The following EHD1 variants were observed in gnomAD, a reference collection of about 807,000 sequenced individuals.
The protein encoded by EHD1 is EH domain containing 1, also known as EH domain-containing protein 1.
EHD1 carries 19 observed loss-of-function variants against 39.0 expected under a neutral mutation model. The observed-to-expected ratio is 0.49, with a 90% CI of 0.34 to 0.72. EHD1 has a LOEUF of 0.72. Among genes scored for constraint, EHD1 ranks in the 30% least tolerant of loss-of-function variants. The pLI is 0.01. For missense variants in EHD1, 542 were observed against 751.5 expected (o/e 0.72, Z 3.26); for synonymous variants, 323 against 331.2 (o/e 0.98, Z 0.27).
chr11:64,853,994 A>T lies in EHD1; in HGVS notation c.*339T>A. 3.0e-6 allele frequency: 1 copy of T among 329,310 alleles called. No individual in the cohort carries two copies. Among genetic ancestry groups the T allele is most frequent in the Non-Finnish European group, 5.7e-6 (1 of 176,490 alleles). The allele number at this position is 329,310 out of a possible 1,614,324, so 20.4% of individuals were successfully genotyped here. ...GGCGACCTGGCTCCCCCACGGTCGC[A>T]GTCGCTGCACTGTCCAGCTCCAGCC... On this transcript the variant is annotated 3_prime_UTR_variant, in exon 5 of 5. Coordinates refer to ENST00000320631, the MANE Select transcript of EHD1 (RefSeq NM_006795.4).
intron 2 of EHD1, among the ~76,000 whole-genome samples, chr11:64,872,921 G>A (rs936466547): frequency 6.6e-6 from 1 of 152,224 alleles, no homozygotes; most frequent in African/African-American, 2.4e-5. Context: ...TAAGGGACAC[G>A]GGAAGGATCT....
At chr11:64,871,778 G>A (rs1943833470) in intron 2 of EHD1, among the ~76,000 whole-genome samples, 1 of 152,142 alleles carries the variant, frequency 6.6e-6, no homozygotes, top group Non-Finnish European at 1.5e-5. Context: ...GCACCTGGAG[G>A]GGAGAGGGAG....
chr11:64,877,155 C>T (rs979733861), intron 1 of EHD1, among the ~76,000 whole-genome samples: 2 of 152,086 alleles, frequency 1.3e-5, no homozygotes, highest in Non-Finnish European at 2.9e-5. Context: ...TTTGGTATGT[C>T]GCCTGGGGGT....
In EHD1 at chr11:64,851,899, C is replaced by T. The variant is rs543830851; in HGVS notation, c.*2434G>A. On this transcript the variant is annotated 3_prime_UTR_variant, in exon 5 of 5. Transcript: ENST00000320631. The stretch of plus-strand genomic sequence containing the variant: ...TGAACTTCCTCAGATCGTGACAGCG[C>T]AGCTCCACCTGGCACAGGGTGAATG... 1 of 152,358 alleles carries T rather than the reference C, an allele frequency of 6.6e-6. No homozygotes were observed. The highest frequency in any genetic ancestry group is 1.5e-5 in the Non-Finnish European group (1 of 68,048). 9.4% of individuals were successfully genotyped at this position (152,358 alleles called of 1,614,324 possible).
Position 64,860,232 on chromosome 11 carries a change from C to T in EHD1, c.607G>A (p.Val203Met). The T allele has an allele frequency of 6.2e-7, 1 of 1,614,156 alleles. No homozygotes were observed. The highest frequency in any genetic ancestry group is 8.5e-7 in the Non-Finnish European group (1 of 1,180,044). The change falls in exon 3 of 5, where the codon GTG becomes ATG. Residue 203 changes from valine to methionine, a missense_variant. Val to Met is a conservative substitution (Grantham distance 21). Transcript: ENST00000320631. ...TCATGGTTCTTCAGAGCCTTGATCA[C>T]TTCCGAGAACTCATCGGAGATGTCC... is the stretch of plus-strand genomic sequence containing the variant. The part of the protein sequence containing the change: ...KLDISDEFSE[V>M]IKALKNHEDK...
intron 2 of EHD1, among the ~76,000 whole-genome samples, chr11:64,862,324 G>A (rs534734521): frequency 5.7e-4 from 87 of 152,322 alleles, no homozygotes; most frequent in African/African-American, 2.0e-3. Context: ...CCTCCTAAAG[G>A]AAGGAACCAG....
rs1433353175 is a variant in EHD1 at position 64,860,352 on chromosome 11, G to A, written c.503-16C>T. 3.7e-6 allele frequency: 6 copies of A among 1,600,776 alleles called. No individual in the cohort carries two copies. The highest frequency in any genetic ancestry group is 4.3e-6 in the Non-Finnish European group (5 of 1,170,504). Reference sequence around the variant, plus strand: ...AAGTCATAGCCTGGGGGGAAGAGAAGGGAGAGCTCAGGGGCGCCAAGGGAC... The same window carrying A: ...AAGTCATAGCCTGGGGGGAAGAGAAAGGAGAGCTCAGGGGCGCCAAGGGAC... On this transcript the variant is annotated splice_polypyrimidine_tract_variant and intron_variant, in intron 2 of 4. Coordinates refer to ENST00000320631, the MANE Select transcript of EHD1 (RefSeq NM_006795.4).
chr11:64,860,288 C>G lies in EHD1; in HGVS notation c.551G>C (p.Arg184Pro). The change falls in exon 3 of 5, where the codon CGC becomes CCC. Residue 184 changes from arginine (R) to proline (P), a missense_variant. Arg to Pro is a moderately radical substitution (Grantham distance 103, BLOSUM62 -2). Transcript: ENST00000320631. ...GTGGGCGTCGAAGAGCAGGATGATGCGGTCCACACGCTCCGCGAACCACTC... is the reference window on the plus strand; with the variant it reads ...GTGGGCGTCGAAGAGCAGGATGATGGGGTCCACACGCTCCGCGAACCACTC... ...VLEWFAERVD[R>P]IILLFDAHKL... 1 of 1,613,856 alleles carries G rather than the reference C, an allele frequency of 6.2e-7. No individual in the cohort carries two copies. The highest frequency in any genetic ancestry group is 8.5e-7 in the Non-Finnish European group (1 of 1,180,006).
At chr11:64,877,914 GCCCTTGGACCAGGGAGTGGT>G in intron 1 of EHD1, 127 bp downstream of exon 1, 1 of 797,804 alleles carries the variant, frequency 1.3e-6, no homozygotes, top group South Asian at 2.6e-5. Context: ...AAGGGGCAGG[GCCCTTGGACCAGGGAGTGGT>G]CACTGAGGGT....
chr11:64,872,194 G>A (rs1943837318), intron 2 of EHD1, among the ~76,000 whole-genome samples: 1 of 152,222 alleles, frequency 6.6e-6, no homozygotes, highest in Admixed American at 6.5e-5. Flanking sequence ...TTGAGCCCAG[G>A]AGTTCAAGGC....
chr11:64,852,030 A>C lies in EHD1; in HGVS notation c.*2303T>G, dbSNP rs959942133. Reference sequence around the variant, plus strand: ...TGGTCATAGGACCAGACACCACCACACCAGCTAGGCTCGGAGCACACAACT... The same window carrying C: ...TGGTCATAGGACCAGACACCACCACCCCAGCTAGGCTCGGAGCACACAACT... On this transcript the variant is annotated 3_prime_UTR_variant, in exon 5 of 5. Coordinates refer to ENST00000320631, the MANE Select transcript of EHD1 (RefSeq NM_006795.4). 1 of 152,110 alleles carries C rather than the reference A, an allele frequency of 6.6e-6. No individual in the cohort carries two copies. The highest frequency in any genetic ancestry group is 2.4e-5 in the African/African-American group (1 of 41,400). The allele number at this position is 152,110 out of a possible 1,614,324, so 9.4% of individuals were successfully genotyped here.
At chr11:64,871,450 A>G (rs1458454370) in intron 2 of EHD1, among the ~76,000 whole-genome samples, 1 of 152,208 alleles carries the variant, frequency 6.6e-6, no homozygotes, top group African/African-American at 2.4e-5. Context: ...CTCATCCTGG[A>G]GTTTACACCC....
In EHD1 at chr11:64,860,368, G is replaced by A. The variant is rs534199009; in HGVS notation, c.503-32C>T. The A allele has an allele frequency of 2.8e-5, 45 of 1,587,666 alleles. No homozygotes were observed. In the East Asian group the frequency reaches 5.4e-4, roughly 19 times the overall value. On this transcript the variant is annotated intron_variant, in intron 2 of 4. Transcript: ENST00000320631. ...GGAAGAGAAGGGAGAGCTCAGGGGC[G>A]CCAAGGGACCTGCTGCTCTGATGGC... is the stretch of plus-strand genomic sequence containing the variant.
intron 2 of EHD1, 105 bp from the exon 3 acceptor site, chr11:64,860,441 A>T: frequency 7.0e-7 from 1 of 1,431,144 alleles, no homozygotes; most frequent in Non-Finnish European, 9.2e-7. Flanking sequence ...GATAGTTTTT[A>T]AAATTCCTAT....
At chr11:64,872,123 C>T (rs1037956293) in intron 2 of EHD1, among the ~76,000 whole-genome samples, 1 of 152,178 alleles carries the variant, frequency 6.6e-6, no homozygotes, top group Non-Finnish European at 1.5e-5. Context: ...CAACCCCAGC[C>T]GAGCATGATG....
intron 3 of EHD1, chr11:64,859,684 G>T: frequency 1.8e-6 from 1 of 547,776 alleles, no homozygotes; most frequent in Non-Finnish European, 3.2e-6. Context: ...AAAGTAGATG[G>T]GGTATAAACC....
intron 2 of EHD1, among the ~76,000 whole-genome samples, chr11:64,866,512 C>T (rs1392025469): frequency 6.6e-6 from 1 of 151,904 alleles, no homozygotes; most frequent in Non-Finnish European, 1.5e-5. Context: ...CGAGACCCCC[C>T]TCTACAAAAA....
chr11:64,859,668 T>C (rs1943691169), intron 3 of EHD1: 1 of 512,514 alleles, frequency 2.0e-6, no homozygotes, highest in Middle Eastern at 5.1e-4. Flanking sequence ...AGTCAAACCC[T>C]TCCTGAAAGT....
intron 2 of EHD1, among the ~76,000 whole-genome samples, chr11:64,862,093 T>C (rs1943722742): frequency 6.6e-6 from 1 of 152,134 alleles, no homozygotes; most frequent in African/African-American, 2.4e-5. Context: ...ATTTTTATTT[T>C]GTAGAGATGG....
Sources: allele counts gnomAD v4.1 joint callset (sites outside exome capture counted in the v4.1 genomes callset), GRCh38; gene constraint gnomAD v4.1.1; transcripts MANE v1.5; gene names NCBI Gene and HGNC (gene_info 2026-07-23, HGNC 2026-07-21).